Variants in HCN1 observed in about 807,000 individuals in gnomAD.
HCN1 encodes hyperpolarization activated cyclic nucleotide gated potassium channel 1, also known as potassium/sodium hyperpolarization-activated cyclic nucleotide-gated channel 1.
A neutral mutation model predicts 78.9 loss-of-function variants in HCN1; 13 were observed. That is an observed-to-expected ratio of 0.16 (90% CI 0.11 to 0.26). The LOEUF is 0.26. Among genes scored for constraint, HCN1 ranks in the 10% least tolerant of loss-of-function variants. The pLI is 1.00. For synonymous variants in HCN1, 552 were observed against 455.5 expected, an observed-to-expected ratio of 1.21 and a Z score of -2.70; for missense variants, 810 against 1,154.3, an observed-to-expected ratio of 0.70 and a Z score of 4.32.
At chr5:45,427,662 G>C (rs1265128296) in intron 3 of HCN1, among the ~76,000 whole-genome samples, 2 of 152,078 alleles carry the variant, frequency 1.3e-5, no homozygotes, top group African/African-American at 4.8e-5. Context: ...TTGGTAAAAT[G>C]TAATATTCCT....
chr5:45,500,851 T>C (rs1742173479), intron 2 of HCN1, among the ~76,000 whole-genome samples: 1 of 152,226 alleles, frequency 6.6e-6, no homozygotes, highest in South Asian at 2.1e-4. Context: ...CATTTTTGCA[T>C]GTTAATTCTC....
intron 4 of HCN1, among the ~76,000 whole-genome samples, chr5:45,370,321 G>C (rs1413332893): frequency 1.3e-5 from 2 of 151,712 alleles, no homozygotes; most frequent in East Asian, 1.9e-4. Context: ...TGATTTATAG[G>C]TACTCCCTAT....
intron 1 of HCN1, among the ~76,000 whole-genome samples, chr5:45,658,594 C>G (rs1324806987): frequency 6.6e-6 from 1 of 151,654 alleles, no homozygotes; most frequent in South Asian, 2.1e-4. Flanking sequence ...CCAGTGTGTG[C>G]GCGCACCGTG....
chr5:45,457,142 G>T lies in HCN1; in HGVS notation c.1011+4704C>A, dbSNP rs183478355. Among the ~76,000 whole-genome samples, 3 of 152,106 alleles carry T rather than the reference G, an allele frequency of 2.0e-5. No individual in the cohort carries two copies. The East Asian group carries it at 5.8e-4, about 29-fold the overall frequency. ...GACTTTTAAAGAAAGATTGCTCTAGGAATGTACTGTTTAGCTGAAAATCCT... is the reference window on the plus strand; with the variant it reads ...GACTTTTAAAGAAAGATTGCTCTAGTAATGTACTGTTTAGCTGAAAATCCT... On this transcript the variant is annotated intron_variant, in intron 3 of 7. Coordinates refer to ENST00000303230, the MANE Select transcript of HCN1 (RefSeq NM_021072.4).
chr5:45,285,511 G>A (rs1173754790), intron 6 of HCN1, among the ~76,000 whole-genome samples: 3 of 151,912 alleles, frequency 2.0e-5, no homozygotes, highest in East Asian at 1.9e-4. Flanking sequence ...ATCTCATTTG[G>A]ATTTATTAAG....
At chr5:45,410,522 CCTTA>C (rs1302296430) in intron 3 of HCN1, among the ~76,000 whole-genome samples, 1 of 151,920 alleles carries the variant, frequency 6.6e-6, no homozygotes, top group Non-Finnish European at 1.5e-5. Flanking sequence ...AAAACTACTC[CCTTA>C]CTTTATTAAA....
At chr5:45,394,139 G>C (rs1260708671) in intron 4 of HCN1, among the ~76,000 whole-genome samples, 1 of 152,114 alleles carries the variant, frequency 6.6e-6, no homozygotes, top group Admixed American at 6.6e-5. Flanking sequence ...ATGTGGTTGG[G>C]AGACATGGAT....
At chr5:45,472,970 A>G (rs561259071) in intron 2 of HCN1, among the ~76,000 whole-genome samples, 6 of 151,882 alleles carry the variant, frequency 4.0e-5, no homozygotes, top group African/African-American at 1.4e-4. Context: ...TCTAGCTTTT[A>G]GTTGTCATTG....
intron 2 of HCN1, among the ~76,000 whole-genome samples, chr5:45,493,568 T>C (rs937503044): frequency 1.1e-4 from 17 of 152,090 alleles, no homozygotes; most frequent in Admixed American, 8.5e-4. Context: ...TGTATTTCAA[T>C]TGTGTTTCTT....
intron 2 of HCN1, among the ~76,000 whole-genome samples, chr5:45,635,792 T>C (rs901845494): frequency 2.1e-4 from 32 of 152,278 alleles, no homozygotes; most frequent in African/African-American, 7.2e-4. Flanking sequence ...TCTAATTTTA[T>C]TTACTCTTGA....
chr5:45,497,384 T>C (rs1742062050), intron 2 of HCN1, among the ~76,000 whole-genome samples: 1 of 152,226 alleles, frequency 6.6e-6, no homozygotes, highest in Non-Finnish European at 1.5e-5. Context: ...ATCTGGGTGC[T>C]CCTGTATTGG....
intron 2 of HCN1, among the ~76,000 whole-genome samples, chr5:45,512,122 T>C (rs1231436089): frequency 6.6e-6 from 1 of 152,080 alleles, no homozygotes; most frequent in Admixed American, 6.6e-5. Context: ...CTGGATTCCT[T>C]CTATCGTCAC....
chr5:45,645,574 C>A lies in HCN1; in HGVS notation c.460G>T (p.Val154Phe). 1.2e-6 allele frequency: 2 copies of A among 1,607,592 alleles called. No individual in the cohort carries two copies. Among genetic ancestry groups the A allele is most frequent in the Non-Finnish European group, 1.7e-6 (2 of 1,177,302 alleles). ...ACTGGTATGATGACTAGATTTCCAA[C>A]CATCATTATAAGCATTATTAAATCC... is the stretch of plus-strand genomic sequence containing the variant. The part of the protein sequence containing the change: ...YWDLIMLIMM[V>F]GNLVIIPVGI... Residue 154 changes from valine to phenylalanine, a missense_variant, in exon 2 of 8, where the codon GTT (valine) becomes TTT (phenylalanine). Transcript: ENST00000303230.
intron 2 of HCN1, among the ~76,000 whole-genome samples, chr5:45,534,553 A>G (rs112170395): frequency 0.014 from 2,124 of 151,770 alleles, 51 homozygotes; most frequent in African/African-American, 0.048. Flanking sequence ...TATTAATAAT[A>G]TGTACAATAT....
chr5:45,561,048 T>C (rs1306399205), intron 2 of HCN1, among the ~76,000 whole-genome samples: 2 of 152,256 alleles, frequency 1.3e-5, no homozygotes, highest in East Asian at 3.9e-4. Flanking sequence ...AGTGCCTTTC[T>C]TTAACAAATT....
Position 45,315,493 on chromosome 5 carries a change from C to T in HCN1, c.1378-11654G>A, listed in dbSNP as rs529557952. Among the ~76,000 whole-genome samples the T allele has an allele frequency of 4.6e-5, 7 of 152,126 alleles. No homozygotes were observed. In the East Asian group the frequency reaches 1.4e-3, roughly 29 times the overall value. On this transcript the variant is annotated intron_variant, in intron 5 of 7. Transcript: ENST00000303230. ...TTCTAAAATTGACACCCTAACATCACAATTAAAAGAACTAGAAAAGCAAGA... is the reference window on the plus strand; with the variant it reads ...TTCTAAAATTGACACCCTAACATCATAATTAAAAGAACTAGAAAAGCAAGA...
chr5:45,593,336 TCTCTCACACA>T lies in HCN1; in HGVS notation c.849+51839_849+51848del, dbSNP rs1744422345. On this transcript the variant is annotated intron_variant, in intron 2 of 7. Coordinates refer to ENST00000303230, the MANE Select transcript of HCN1 (RefSeq NM_021072.4). ...CTCTCTCTCTCCCTCTCTCTCTCTC[TCTCTCACACA>T]CACACACACACACACACACACACAC... 2.9e-5 allele frequency among the ~76,000 whole-genome samples: 4 copies of T among 136,322 alleles called. No individual in the cohort carries two copies. In the East Asian group the frequency reaches 6.5e-4, roughly 22 times the overall value. 89.4% of individuals were successfully genotyped at this position (136,322 alleles called of 152,430 possible). A position where few individuals can be genotyped will look rare whatever the true frequency, so the allele number is the denominator to read the frequency against.
chr5:45,312,724 G>A lies in HCN1; in HGVS notation c.1378-8885C>T, dbSNP rs185680220. On this transcript the variant is annotated intron_variant, in intron 5 of 7. Transcript: ENST00000303230. ...ACGGCACACCAGGAGATTATATCCC[G>A]CACCTGGCTCAGGGGGTCCCACGCC... Among the ~76,000 whole-genome samples, 226 of 152,310 alleles carry A rather than the reference G, an allele frequency of 1.5e-3. 1 individual carries two copies. The highest frequency in any genetic ancestry group is 3.1e-3 in the Admixed American group (48 of 15,306).
chr5:45,407,875 C>T (rs1461525942), intron 3 of HCN1, among the ~76,000 whole-genome samples: 1 of 152,062 alleles, frequency 6.6e-6, no homozygotes, highest in African/African-American at 2.4e-5. Context: ...GAAGACATTC[C>T]AGTGGGACAA....
Sources: allele counts gnomAD v4.1 joint callset (sites outside exome capture counted in the v4.1 genomes callset), GRCh38; gene constraint gnomAD v4.1.1; transcripts MANE v1.5; gene names NCBI Gene and HGNC (gene_info 2026-07-23, HGNC 2026-07-21).